The following FASTKD2 variants were observed in gnomAD, a reference collection of about 807,000 sequenced individuals.
The protein encoded by FASTKD2 is FAST kinase domain-containing protein 2, mitochondrial.
In FASTKD2, 51 loss-of-function variants were observed where a neutral mutation model predicts 63.6. That is an observed-to-expected ratio of 0.80 (90% CI 0.64 to 1.01). FASTKD2 has a LOEUF of 1.01. Ranked by LOEUF, FASTKD2 falls within the 50% of genes least tolerant of loss-of-function variation. The pLI is 0.00. For missense variants in FASTKD2, 786 were observed against 831.1 expected, an observed-to-expected ratio of 0.95 and a Z score of 0.67; for synonymous variants, 284 against 293.4, an observed-to-expected ratio of 0.97 and a Z score of 0.33.
intron 2 of FASTKD2, 31 bp downstream of exon 2, chr2:206,767,501 T>G: frequency 6.5e-7 from 1 of 1,543,870 alleles, no homozygotes; most frequent in Non-Finnish European, 8.9e-7. Context: ...AAACATGCAT[T>G]TACTTGATTT....
chr2:206,775,076 G>C (rs886100555), intron 7 of FASTKD2, among the ~76,000 whole-genome samples: 9 of 151,954 alleles, frequency 5.9e-5, no homozygotes, highest in Non-Finnish European at 1.2e-4. Flanking sequence ...CATGTGATGA[G>C]ATTTCCTTCT....
At position 206,767,188 on chromosome 2, in the gene FASTKD2, C is replaced by T; in HGVS notation, c.495C>T (p.Ser165=). 1.2e-6 allele frequency: 2 copies of T among 1,614,146 alleles called. No individual in the cohort carries two copies. The highest frequency in any genetic ancestry group is 8.5e-7 in the Non-Finnish European group (1 of 1,180,016). ...GAAAACTGTCTGAGGAATGTAATTCCCTGAGTGATGTGTTAGATGCATTTT... is the reference window on the plus strand; with the variant it reads ...GAAAACTGTCTGAGGAATGTAATTCTCTGAGTGATGTGTTAGATGCATTTT... ...SSRKLSEECN[S]LSDVLDAFSK... The change falls in exon 2 of 12, where the codon TCC becomes TCT. Residue 165 remains serine, a synonymous_variant. Coordinates refer to ENST00000402774, the MANE Select transcript of FASTKD2 (RefSeq NM_001136193.2).
intron 6 of FASTKD2, among the ~76,000 whole-genome samples, chr2:206,773,892 A>G (rs1689752627): frequency 6.6e-6 from 1 of 152,192 alleles, no homozygotes; most frequent in Non-Finnish European, 1.5e-5. Context: ...CCTTCAGAAA[A>G]GGCATATTTA....
At chr2:206,769,882 A>G (rs1342718504) in intron 2 of FASTKD2, among the ~76,000 whole-genome samples, 1 of 152,242 alleles carries the variant, frequency 6.6e-6, no homozygotes, top group Non-Finnish European at 1.5e-5. Flanking sequence ...GTGTTGATGC[A>G]TAAAAGGATG....
intron 3 of FASTKD2, 36 bp from the exon 4 acceptor site, chr2:206,771,146 T>C (rs373864607): frequency 1.6e-6 from 2 of 1,240,016 alleles, no homozygotes; most frequent in Admixed American, 1.7e-5. Context: ...GCTTTGAAGA[T>C]TCTATGATTT....
In FASTKD2 at chr2:206,781,661, T is replaced by A. The variant is rs571940187; in HGVS notation, c.1428-5072T>A. On this transcript the variant is annotated intron_variant, in intron 7 of 11. Transcript: ENST00000402774. The stretch of plus-strand genomic sequence containing the variant: ...TAAGTAGAGGGATTTACTGGTTTCT[T>A]TTTTTTAATTTCTTTTTTTTTTTTT... 2.2e-5 allele frequency among the ~76,000 whole-genome samples: 3 copies of A among 138,290 alleles called. No homozygotes were observed. The Admixed American group carries it at 2.3e-4, about 11-fold the overall frequency. 90.7% of individuals were successfully genotyped at this position (138,290 alleles called of 152,430 possible).
At chr2:206,771,140 T>A in intron 3 of FASTKD2, 42 bp from the exon 4 acceptor site, 1 of 1,214,032 alleles carries the variant, frequency 8.2e-7, no homozygotes, top group Non-Finnish European at 1.2e-6. Flanking sequence ...TCTTCTGCTT[T>A]GAAGATTCTA....
chr2:206,780,528 T>G (rs1395738441), intron 7 of FASTKD2, among the ~76,000 whole-genome samples: 1 of 152,232 alleles, frequency 6.6e-6, no homozygotes, highest in Non-Finnish European at 1.5e-5. Flanking sequence ...AGATACGAGT[T>G]GCTTTTAAAG....
Position 206,791,661 on chromosome 2 carries a change from A to G in FASTKD2, c.2014-22A>G, listed in dbSNP as rs779919114. On this transcript the variant is annotated intron_variant, in intron 11 of 11. Transcript: ENST00000402774. ...GTTAGTATCGTCTCACAAACTGATT[A>G]TTTTCCTCTTTCTTTGGTAAGGTCA... 8 of 1,609,992 alleles carry G rather than the reference A, an allele frequency of 5.0e-6. No individual in the cohort carries two copies. In the African/African-American group the frequency reaches 6.7e-5, roughly 13 times the overall value.
intron 10 of FASTKD2, chr2:206,790,228 G>A (rs1008398226): frequency 3.9e-6 from 1 of 256,492 alleles, no homozygotes; most frequent in African/African-American, 2.2e-5. Flanking sequence ...TACTACTACT[G>A]GTAGAATAAA....
In FASTKD2 at chr2:206,786,841, C is replaced by T. The variant is rs973380515; in HGVS notation, c.1536C>T (p.Pro512=). ...VYSFCLMNYF[P]LAPFNQLLQK... ...CATTTTGCTTGATGAATTACTTTCC[C>T]CTGGCTCCTTTTAATCAGCTTCTGC... The change falls in exon 8 of 12, where the codon CCC becomes CCT. Residue 512 remains proline, a synonymous_variant. Coordinates refer to ENST00000402774, the MANE Select transcript of FASTKD2 (RefSeq NM_001136193.2). 1.9e-6 allele frequency: 3 copies of T among 1,613,590 alleles called. No individual in the cohort carries two copies. The highest frequency in any genetic ancestry group is 2.5e-6 in the Non-Finnish European group (3 of 1,179,768).
At chr2:206,773,856 C>G (rs725980) in intron 6 of FASTKD2, among the ~76,000 whole-genome samples, 37,501 of 151,950 alleles carry the variant, frequency 0.25, 5,579 homozygotes, top group East Asian at 0.71. Flanking sequence ...GCGAGAAGTT[C>G]AAGATTGAGT....
intron 3 of FASTKD2, 74 bp downstream of exon 3, chr2:206,770,268 G>T: frequency 1.0e-6 from 1 of 995,104 alleles, no homozygotes; most frequent in Non-Finnish European, 1.6e-6. Flanking sequence ...AAATTGAGAT[G>T]AAAACTAAAC....
chr2:206,780,315 T>C (rs1393154457), intron 7 of FASTKD2, among the ~76,000 whole-genome samples: 1 of 152,198 alleles, frequency 6.6e-6, no homozygotes, highest in Non-Finnish European at 1.5e-5. Context: ...TTCCTTGGCT[T>C]TCGTTTGTTT....
rs781630523 is a variant in FASTKD2 at position 206,772,273 on chromosome 2, C to G, written c.1207C>G (p.Leu403Val). Residue 403 changes from leucine to valine, a missense_variant, in exon 6 of 12, where the codon CTT becomes GTT. Leu to Val is a conservative substitution (Grantham distance 32). Transcript: ENST00000402774. The part of the protein sequence containing the change: ...QYHNLDLFKG[L>V]ADYVAATFDI... ...CCATAATTTGGATCTCTTCAAGGGACTTGCAGATTATGTGGCTGCAACTTT... is the reference window on the plus strand; with the variant it reads ...CCATAATTTGGATCTCTTCAAGGGAGTTGCAGATTATGTGGCTGCAACTTT... The G allele has an allele frequency of 6.1e-5, 99 of 1,613,834 alleles. No homozygotes were observed. The Admixed American group carries it at 1.6e-3, about 26-fold the overall frequency.
At chr2:206,791,294 C>T (rs191924675) in intron 11 of FASTKD2, 237 of 220,610 alleles carry the variant, frequency 1.1e-3, no homozygotes, top group Middle Eastern at 2.0e-3. Context: ...TGTAAACATT[C>T]CAAGTCTTCT....
intron 7 of FASTKD2, among the ~76,000 whole-genome samples, chr2:206,779,386 G>A (rs902315074): frequency 2.0e-5 from 3 of 151,884 alleles, no homozygotes; most frequent in Non-Finnish European, 4.4e-5. Flanking sequence ...TTCTCACGTT[G>A]CTATACTACC....
chr2:206,787,571 G>A (rs899441060), intron 8 of FASTKD2, among the ~76,000 whole-genome samples: 2 of 152,210 alleles, frequency 1.3e-5, no homozygotes, highest in Non-Finnish European at 2.9e-5. Context: ...TTCAGGCAGT[G>A]TAATAATGGA....
At chr2:206,779,281 T>C (rs1411750469) in intron 7 of FASTKD2, among the ~76,000 whole-genome samples, 1 of 152,268 alleles carries the variant, frequency 6.6e-6, no homozygotes. Context: ...TCCTTAAATC[T>C]AAAGCGAGTA....
Sources: gnomAD v4.1 joint callset for allele counts (sites outside exome capture counted in the v4.1 genomes callset) on GRCh38, gnomAD v4.1.1 for gene constraint, MANE v1.5 for transcripts, NCBI Gene and HGNC (gene_info 2026-07-23, HGNC 2026-07-21) for gene names.